The following RABEP1 variants were observed in gnomAD, a reference collection of about 807,000 sequenced individuals.
RABEP1 encodes rabaptin, RAB GTPase binding effector protein 1.
RABEP1 carries 51 observed loss-of-function variants against 123.4 expected under a neutral mutation model. The observed-to-expected ratio is 0.41, with a 90% confidence interval of 0.33 to 0.52. The LOEUF is 0.52. Ranked by LOEUF, RABEP1 falls within the 20% of genes least tolerant of loss-of-function variation. The pLI is 0.16. For synonymous variants in RABEP1, 347 were observed against 355.2 expected (o/e 0.98, Z 0.26); for missense variants, 888 against 996.3 (o/e 0.89, Z 1.46).
At chr17:5,346,520 G>A (rs1276127236) in intron 5 of RABEP1, among the ~76,000 whole-genome samples, 5 of 152,108 alleles carry the variant, frequency 3.3e-5, no homozygotes, top group Admixed American at 6.6e-5. Context: ...AATTGGAGCC[G>A]CCTTTTTGAA....
chr17:5,305,086 A>G (rs914186139), intron 1 of RABEP1, among the ~76,000 whole-genome samples: 1 of 152,034 alleles, frequency 6.6e-6, no homozygotes, highest in African/African-American at 2.4e-5. Context: ...GATGAGAGCT[A>G]TTTTCTCCTT....
chr17:5,338,156 T>C lies in RABEP1; in HGVS notation c.648+18T>C. 6.2e-7 allele frequency: 1 copy of C among 1,602,100 alleles called. No individual in the cohort carries two copies. Among genetic ancestry groups the C allele is most frequent in the Non-Finnish European group, 8.5e-7 (1 of 1,175,202 alleles). Reference sequence around the variant, plus strand: ...CCTCAAAGGTTATGAAACATTGTAATCCATTTGCTTGAAACCCAAGTTTCT... The same window carrying C: ...CCTCAAAGGTTATGAAACATTGTAACCCATTTGCTTGAAACCCAAGTTTCT... On this transcript the variant is annotated intron_variant, in intron 5 of 17. Coordinates refer to ENST00000537505, the MANE Select transcript of RABEP1 (RefSeq NM_004703.6).
intron 3 of RABEP1, among the ~76,000 whole-genome samples, chr17:5,333,454 G>C (rs1906758455): frequency 1.3e-5 from 2 of 152,168 alleles, no homozygotes; most frequent in African/African-American, 4.8e-5. Context: ...GAGCCACCAT[G>C]CTTGGCCCAG....
chr17:5,296,246 T>C (rs2075082444), intron 1 of RABEP1, among the ~76,000 whole-genome samples: 1 of 152,190 alleles, frequency 6.6e-6, no homozygotes, highest in Non-Finnish European at 1.5e-5. Context: ...ATTTTGGTAC[T>C]GCATTGGGTT....
intron 1 of RABEP1, among the ~76,000 whole-genome samples, chr17:5,296,095 G>A (rs1483497990): frequency 1.3e-5 from 2 of 152,088 alleles, no homozygotes; most frequent in Admixed American, 6.6e-5. Flanking sequence ...ATGGATTTCT[G>A]GATGTTTGTT....
intron 5 of RABEP1, among the ~76,000 whole-genome samples, chr17:5,345,302 T>C (rs1327391486): frequency 1.3e-5 from 1 of 77,320 alleles, no homozygotes. Flanking sequence ...ACGTACATTT[T>C]TCTGAATAGG....
At chr17:5,363,830 G>T (rs1313423003) in intron 10 of RABEP1, among the ~76,000 whole-genome samples, 2 of 152,074 alleles carry the variant, frequency 1.3e-5, no homozygotes, top group African/African-American at 4.8e-5. Context: ...GGTATGCTGA[G>T]ATTGATAAAT....
At chr17:5,367,054 A>G (rs1039233369) in intron 11 of RABEP1, among the ~76,000 whole-genome samples, 2 of 150,530 alleles carry the variant, frequency 1.3e-5, no homozygotes, top group Admixed American at 1.3e-4. Flanking sequence ...ATGCCATTGC[A>G]CTCCCGCCTG....
intron 3 of RABEP1, among the ~76,000 whole-genome samples, chr17:5,334,217 C>T (rs1906836680): frequency 6.6e-6 from 1 of 150,976 alleles, no homozygotes; most frequent in Admixed American, 6.6e-5. Flanking sequence ...TCTTTTTTTT[C>T]CCTTTCCCTT....
chr17:5,381,542 G>C, intron 17 of RABEP1, 37 bp downstream of exon 17: 8 of 1,596,796 alleles, frequency 5.0e-6, no homozygotes, highest in Non-Finnish European at 6.8e-6. Context: ...GAGCACGAAG[G>C]CAGTTTTGGG....
At chr17:5,368,269 T>G in intron 11 of RABEP1, 101 bp from the exon 12 acceptor site, 1 of 818,208 alleles carries the variant, frequency 1.2e-6, no homozygotes, top group East Asian at 2.5e-5. Context: ...CATGAACAAA[T>G]AAAATGTCAA....
chr17:5,338,637 A>C (rs543257752), intron 5 of RABEP1, among the ~76,000 whole-genome samples: 13 of 152,342 alleles, frequency 8.5e-5, no homozygotes, highest in African/African-American at 2.6e-4. Context: ...GACATTTAAA[A>C]TAATCACAAT....
intron 1 of RABEP1, among the ~76,000 whole-genome samples, chr17:5,294,633 CTTTTTTTTTTTTT>C (rs1185209680): frequency 4.1e-4 from 22 of 53,022 alleles, no homozygotes; most frequent in Admixed American, 1.7e-3. Context: ...ACGGTATTGT[CTTTTTTTTTTTTT>C]TTTTTTTTTT....
chr17:5,350,374 CA>C lies in RABEP1; in HGVS notation c.785-76del, dbSNP rs1387344274. 4.7e-6 allele frequency: 7 copies of C among 1,476,526 alleles called. No homozygotes were observed. In the African/African-American group the frequency reaches 8.6e-5, roughly 18 times the overall value. 91.5% of individuals were successfully genotyped at this position (1,476,526 alleles called of 1,614,324 possible). On this transcript the variant is annotated intron_variant, in intron 6 of 17. Coordinates refer to ENST00000537505, the MANE Select transcript of RABEP1 (RefSeq NM_004703.6). The stretch of plus-strand genomic sequence containing the variant: ...CAGCCTGGGCGACAGAGCGAGACTC[CA>C]TCTCAAAAAAAAAAAGAAATTGCCT...
At chr17:5,379,749 A>G (rs945698729) in intron 15 of RABEP1, among the ~76,000 whole-genome samples, 2 of 150,300 alleles carry the variant, frequency 1.3e-5, no homozygotes, top group Non-Finnish European at 3.0e-5. Flanking sequence ...TATTGAAATC[A>G]AGGTGATATT....
chr17:5,361,186 C>T, intron 8 of RABEP1, 22 bp from the exon 9 acceptor site: 1 of 1,588,448 alleles, frequency 6.3e-7, no homozygotes, highest in South Asian at 1.1e-5. Context: ...CTAACTTGGC[C>T]ATATGTATTT....
chr17:5,373,155 C>T (rs1486643101), intron 12 of RABEP1, among the ~76,000 whole-genome samples, 159 bp from the exon 13 acceptor site: 1 of 152,236 alleles, frequency 6.6e-6, no homozygotes, highest in Non-Finnish European at 1.5e-5. Flanking sequence ...TGCTGTAAAC[C>T]AGAAAATCTC....
At chr17:5,332,838 G>A (rs150810483) in intron 3 of RABEP1, among the ~76,000 whole-genome samples, 4,955 of 152,024 alleles carry the variant, frequency 0.033, 83 homozygotes, top group Middle Eastern at 0.075. Flanking sequence ...GAACTCCTGA[G>A]ACCTCAGGTG....
intron 3 of RABEP1, 48 bp from the exon 4 acceptor site, chr17:5,335,136 T>A (rs757468987): frequency 6.7e-7 from 1 of 1,486,298 alleles, no homozygotes; most frequent in Non-Finnish European, 9.0e-7. Context: ...GCCAGGTTAT[T>A]TTTTTTTCAT....
Sources: allele counts gnomAD v4.1 joint callset (sites outside exome capture counted in the v4.1 genomes callset), GRCh38; gene constraint gnomAD v4.1.1; transcripts MANE v1.5; gene names NCBI Gene and HGNC (gene_info 2026-07-23, HGNC 2026-07-21).